The following ZFPM2 variants were observed in gnomAD, a reference collection of about 807,000 sequenced individuals.
ZFPM2 encodes the protein zinc finger protein, FOG family member 2.
A neutral mutation model predicts 98.6 loss-of-function variants in ZFPM2; 20 were observed. The observed-to-expected ratio is 0.20, with a 90% confidence interval of 0.14 to 0.29. The LOEUF (loss-of-function observed/expected upper bound fraction) is 0.29, where lower values mean the gene tolerates loss of function less well. Among genes scored for constraint, ZFPM2 ranks in the 10% least tolerant of loss-of-function variants. The pLI is 1.00. For missense variants in ZFPM2, 1,310 were observed against 1,388.6 expected (o/e 0.94, Z 0.90); for synonymous variants, 518 against 502.7 (o/e 1.03, Z -0.41).
At chr8:105,496,747 C>A (rs1184695735) in intron 3 of ZFPM2, among the ~76,000 whole-genome samples, 2 of 147,344 alleles carry the variant, frequency 1.4e-5, no homozygotes, top group African/African-American at 2.5e-5. Flanking sequence ...CTTTGGGAGG[C>A]CAAGGTGGGC....
intron 2 of ZFPM2, among the ~76,000 whole-genome samples, chr8:105,436,293 G>A (rs1309006073): frequency 6.6e-6 from 1 of 152,234 alleles, no homozygotes; most frequent in South Asian, 2.1e-4. Context: ...GCTGAAGCAG[G>A]CTGGTCACCT....
intron 4 of ZFPM2, among the ~76,000 whole-genome samples, chr8:105,633,256 A>G (rs1034252753): frequency 6.6e-6 from 1 of 152,224 alleles, no homozygotes; most frequent in Non-Finnish European, 1.5e-5. Flanking sequence ...TGGCAGGATC[A>G]TATCTAGGTG....
intron 5 of ZFPM2, among the ~76,000 whole-genome samples, chr8:105,783,184 G>T (rs921483908): frequency 6.4e-5 from 9 of 140,816 alleles, no homozygotes; most frequent in African/African-American, 2.3e-4. Context: ...CGAGAAGGAA[G>T]ATCTTATCCC....
chr8:105,374,258 G>C (rs1810679598), intron 1 of ZFPM2, among the ~76,000 whole-genome samples: 1 of 152,006 alleles, frequency 6.6e-6, no homozygotes, highest in African/African-American at 2.4e-5. Flanking sequence ...TAAAGAAAAT[G>C]GTATGACGTG....
At chr8:105,692,097 C>A (rs1456696033) in intron 5 of ZFPM2, among the ~76,000 whole-genome samples, 1 of 152,166 alleles carries the variant, frequency 6.6e-6, no homozygotes, top group Non-Finnish European at 1.5e-5. Context: ...AATCATGAAT[C>A]TACTATGAAC....
intron 4 of ZFPM2, among the ~76,000 whole-genome samples, chr8:105,586,210 C>A (rs2130753429): frequency 6.6e-6 from 1 of 152,208 alleles, no homozygotes; most frequent in African/African-American, 2.4e-5. Flanking sequence ...GGCACTAAAT[C>A]CTCAGCCTAG....
At chr8:105,395,530 C>T (rs1410437583) in intron 1 of ZFPM2, among the ~76,000 whole-genome samples, 1 of 152,132 alleles carries the variant, frequency 6.6e-6, no homozygotes, top group African/African-American at 2.4e-5. Context: ...AGTTTCCTAG[C>T]ATAGCCACTT....
At chr8:105,576,776 G>C (rs958957283) in intron 4 of ZFPM2, among the ~76,000 whole-genome samples, 1 of 151,306 alleles carries the variant, frequency 6.6e-6, no homozygotes, top group African/African-American at 2.5e-5. Flanking sequence ...CATTAAGAAG[G>C]CTTTTTAGAA....
chr8:105,509,972 C>T (rs1317455604), intron 3 of ZFPM2, among the ~76,000 whole-genome samples: 1 of 152,016 alleles, frequency 6.6e-6, no homozygotes, highest in Non-Finnish European at 1.5e-5. Context: ...TATTCCCCAT[C>T]GATTTCATAT....
At chr8:105,684,489 C>T (rs377289975) in intron 5 of ZFPM2, among the ~76,000 whole-genome samples, 1 of 151,784 alleles carries the variant, frequency 6.6e-6, no homozygotes, top group African/African-American at 2.4e-5. Context: ...TGGCAGGGAG[C>T]CAAAAGAAAA....
chr8:105,640,998 T>A (rs1816939545), intron 5 of ZFPM2, among the ~76,000 whole-genome samples: 1 of 152,030 alleles, frequency 6.6e-6, no homozygotes, highest in Admixed American at 6.6e-5. Flanking sequence ...TATAAAATCA[T>A]AAGGCGATTA....
At chr8:105,408,630 T>C (rs983936824) in intron 1 of ZFPM2, among the ~76,000 whole-genome samples, 1 of 151,926 alleles carries the variant, frequency 6.6e-6, no homozygotes, top group African/African-American at 2.4e-5. Flanking sequence ...GTATAAAGTT[T>C]GTATTCCAAA....
At chr8:105,550,816 C>A (rs1353578067) in intron 3 of ZFPM2, among the ~76,000 whole-genome samples, 1 of 152,132 alleles carries the variant, frequency 6.6e-6, no homozygotes, top group Non-Finnish European at 1.5e-5. Flanking sequence ...AAATACACCA[C>A]ACAGCTGAAG....
chr8:105,659,707 T>A (rs1224339405), intron 5 of ZFPM2, among the ~76,000 whole-genome samples: 1 of 152,188 alleles, frequency 6.6e-6, no homozygotes, highest in Admixed American at 6.5e-5. Context: ...ATTCAAACCC[T>A]TGCCGGAATA....
At chr8:105,789,242 C>G (rs758159778) in intron 6 of ZFPM2, among the ~76,000 whole-genome samples, 8 of 152,204 alleles carry the variant, frequency 5.3e-5, no homozygotes, top group African/African-American at 1.4e-4. Flanking sequence ...CCGCTCCCCC[C>G]ACCCCACAAC....
chr8:105,788,997 C>A (rs1813508668), intron 6 of ZFPM2, 73 bp downstream of exon 6: 1 of 1,294,804 alleles, frequency 7.7e-7, no homozygotes, highest in East Asian at 2.5e-5. Context: ...TGTCTACTGA[C>A]AAGAAACCAG....
chr8:105,431,164 T>C (rs1216839188), intron 2 of ZFPM2, among the ~76,000 whole-genome samples: 1 of 152,044 alleles, frequency 6.6e-6, no homozygotes, highest in African/African-American at 2.4e-5. Flanking sequence ...CACCTTGACT[T>C]CCCAAAGTGC....
rs1433061327 is a variant in ZFPM2, at chr8:105,393,332, CTTTGCCTTTCTT to C, written c.41-25810_41-25799del. Among the ~76,000 whole-genome samples the C allele has an allele frequency of 1.4e-3, 61 of 44,198 alleles. 1 individual carries two copies. The highest frequency in any genetic ancestry group is 0.012 in the South Asian group (11 of 950). 29.0% of individuals were successfully genotyped at this position (44,198 alleles called of 152,430 possible). ...TCCTTTCTTCCTTCCCTCTCTCTCT[CTTTGCCTTTCTT>C]TCTTTCTTTCTTTCTTTCTTTCTTT... On this transcript the variant is annotated intron_variant, in intron 1 of 7. Transcript: ENST00000407775.
At chr8:105,761,523 T>G (rs1812734247) in intron 5 of ZFPM2, among the ~76,000 whole-genome samples, 1 of 152,002 alleles carries the variant, frequency 6.6e-6, no homozygotes, top group African/African-American at 2.4e-5. Context: ...TCTCTTTTTT[T>G]AAGTACATAG....
Sources: gnomAD v4.1 joint callset for allele counts (sites outside exome capture counted in the v4.1 genomes callset) on GRCh38, gnomAD v4.1.1 for gene constraint, MANE v1.5 for transcripts, NCBI Gene and HGNC (gene_info 2026-07-23, HGNC 2026-07-21) for gene names.